Variants in WDR25 observed in about 807,000 individuals in gnomAD.
The protein encoded by WDR25 is WD repeat-containing protein 25.
WDR25 carries 35 observed loss-of-function variants against 47.7 expected under a neutral mutation model. The observed-to-expected ratio is 0.73, with a 90% CI of 0.56 to 0.97. WDR25 has a LOEUF of 0.97. WDR25 is among the 50% of genes least tolerant of loss of function. The pLI is 0.00. For missense variants in WDR25, 634 were observed against 704.7 expected (o/e 0.90, Z 1.14); for synonymous variants, 248 against 278.9 (o/e 0.89, Z 1.10).
chr14:100,426,445 G>C (rs777391545), intron 2 of WDR25, among the ~76,000 whole-genome samples: 3 of 152,206 alleles, frequency 2.0e-5, no homozygotes, highest in Non-Finnish European at 4.4e-5. Context: ...ATGAATCTTC[G>C]ACAATGGCAC....
chr14:100,434,849 C>T (rs920119429), intron 2 of WDR25, among the ~76,000 whole-genome samples: 7 of 152,204 alleles, frequency 4.6e-5, no homozygotes, highest in African/African-American at 1.7e-4. Context: ...TCTTATTCCG[C>T]TCTTTTTCTT....
At chr14:100,429,823 G>A (rs891316561) in intron 2 of WDR25, among the ~76,000 whole-genome samples, 1 of 151,988 alleles carries the variant, frequency 6.6e-6, no homozygotes, top group Non-Finnish European at 1.5e-5. Context: ...GGCGGTGGGG[G>A]CAGGGAATTG....
chr14:100,482,524 T>A (rs939767544), intron 3 of WDR25, among the ~76,000 whole-genome samples: 2 of 152,120 alleles, frequency 1.3e-5, no homozygotes, highest in African/African-American at 2.4e-5. Flanking sequence ...TGCCTTAGGT[T>A]TTTCATGGAT....
At chr14:100,433,331 T>G (rs1898398596) in intron 2 of WDR25, among the ~76,000 whole-genome samples, 1 of 152,242 alleles carries the variant, frequency 6.6e-6, no homozygotes, top group East Asian at 1.9e-4. Context: ...TAGGTTCAGG[T>G]GATGCCCTTT....
chr14:100,409,669 A>G (rs1897650260), intron 2 of WDR25, among the ~76,000 whole-genome samples: 1 of 152,178 alleles, frequency 6.6e-6, no homozygotes, highest in South Asian at 2.1e-4. Flanking sequence ...TTCTACAGGA[A>G]ATTGGAACAG....
chr14:100,398,616 A>G (rs1897310790), intron 2 of WDR25, among the ~76,000 whole-genome samples: 1 of 151,618 alleles, frequency 6.6e-6, no homozygotes, highest in African/African-American at 2.4e-5. Context: ...AAACTAAGAA[A>G]TTAACATTGG....
Position 100,381,630 on chromosome 14 carries a change from CG to C in WDR25, c.708del (p.Val238CysfsTer5). The C allele has an allele frequency of 6.2e-7, 1 of 1,608,010 alleles. No homozygotes were observed. Among genetic ancestry groups the C allele is most frequent in the Non-Finnish European group, 8.5e-7 (1 of 1,175,254 alleles). On this transcript the variant is annotated frameshift_variant, in exon 2 of 7. Coordinates refer to ENST00000402312, the MANE Select transcript of WDR25 (RefSeq NM_001161476.3). LOFTEE classifies it high-confidence loss of function. ...NSHYKETTVP[R>X]KVLFHLRGHR... Reference sequence around the variant, plus strand: ...CCATTATAAAGAAACCACAGTTCCCCGGAAAGTGCTTTTCCACCTGAGAGGC... The same window carrying C: ...CCATTATAAAGAAACCACAGTTCCCCGAAAGTGCTTTTCCACCTGAGAGGC...
At chr14:100,452,901 G>C (rs1000595571) in intron 2 of WDR25, among the ~76,000 whole-genome samples, 1 of 152,114 alleles carries the variant, frequency 6.6e-6, no homozygotes, top group Admixed American at 6.5e-5. Flanking sequence ...TCATAGTGTT[G>C]TGTGGCCATC....
intron 2 of WDR25, among the ~76,000 whole-genome samples, chr14:100,458,126 G>T (rs983067009): frequency 2.0e-5 from 3 of 152,092 alleles, no homozygotes; most frequent in Admixed American, 2.0e-4. Context: ...TGGATAAAAA[G>T]TCAAGACTCA....
intron 4 of WDR25, among the ~76,000 whole-genome samples, chr14:100,493,600 A>C (rs1900636088): frequency 6.6e-6 from 1 of 152,188 alleles, no homozygotes; most frequent in Non-Finnish European, 1.5e-5. Context: ...AGAGTGGCCC[A>C]TCTGTTACAG....
chr14:100,470,999 G>T (rs1265502580), intron 3 of WDR25, among the ~76,000 whole-genome samples: 3 of 152,294 alleles, frequency 2.0e-5, no homozygotes, highest in African/African-American at 7.2e-5. Context: ...CGTTCACTCC[G>T]CAGTTGCTTA....
At chr14:100,398,213 C>T (rs144127242) in intron 2 of WDR25, among the ~76,000 whole-genome samples, 12 of 152,294 alleles carry the variant, frequency 7.9e-5, no homozygotes, top group East Asian at 7.7e-4. Flanking sequence ...ATTCCATTTC[C>T]GCCTGACAGA....
chr14:100,451,467 G>A (rs1229162535), intron 2 of WDR25, among the ~76,000 whole-genome samples: 2 of 152,108 alleles, frequency 1.3e-5, no homozygotes, highest in South Asian at 2.1e-4. Context: ...CGATCTGCCC[G>A]CCTCAGCCAC....
intron 2 of WDR25, among the ~76,000 whole-genome samples, chr14:100,391,351 G>A (rs1277214395): frequency 2.0e-5 from 3 of 152,128 alleles, no homozygotes; most frequent in Non-Finnish European, 2.9e-5. Flanking sequence ...TGGTGCCAGG[G>A]ATCGATGGGC....
intron 2 of WDR25, chr14:100,455,134 T>C (rs1406874698): frequency 4.6e-5 from 7 of 152,128 alleles, no homozygotes; most frequent in Admixed American, 4.6e-4. Context: ...AAACAGTTAT[T>C]ATAGATGTGC....
At position 100,453,117 on chromosome 14, in the gene WDR25, CAG is replaced by C. The variant is rs146008188; in HGVS notation, c.823-14903_823-14902del. Among the ~76,000 whole-genome samples, 753 of 152,180 alleles carry C rather than the reference CAG, an allele frequency of 4.9e-3. 10 individuals are homozygous for C. The highest frequency in any genetic ancestry group is 0.017 in the African/African-American group (708 of 41,508). ...CACTTTGGACCATCAAATTAGGAGA[CAG>C]GGATTCAGTGGGGAACTCACCACGA... On this transcript the variant is annotated intron_variant, in intron 2 of 6. Transcript: ENST00000402312.
chr14:100,486,714 G>A (rs1045573420), intron 4 of WDR25, among the ~76,000 whole-genome samples: 4 of 152,228 alleles, frequency 2.6e-5, no homozygotes, highest in African/African-American at 9.6e-5. Flanking sequence ...CAGCCTGGGC[G>A]TGTATGTGAA....
intron 4 of WDR25, among the ~76,000 whole-genome samples, chr14:100,501,990 C>T (rs757007048): frequency 6.6e-6 from 1 of 152,212 alleles, no homozygotes; most frequent in Non-Finnish European, 1.5e-5. Context: ...GGGAGCCCTC[C>T]TTCCCTGTCC....
chr14:100,408,407 C>G (rs1441206174), intron 2 of WDR25, among the ~76,000 whole-genome samples: 1 of 152,142 alleles, frequency 6.6e-6, no homozygotes, highest in East Asian at 1.9e-4. Context: ...CAATATTGCA[C>G]AACTCTGTGT....
Sources: gnomAD v4.1 joint callset for allele counts (sites outside exome capture counted in the v4.1 genomes callset) on GRCh38, gnomAD v4.1.1 for gene constraint, MANE v1.5 for transcripts, NCBI Gene and HGNC (gene_info 2026-07-23, HGNC 2026-07-21) for gene names.